ATP13A5: variants seen among roughly 807,000 people sequenced by gnomAD.
ATP13A5 encodes probable cation-transporting ATPase 13A5.
A neutral mutation model predicts 150.2 loss-of-function variants in ATP13A5; 149 were observed. The ratio of observed to expected loss-of-function variants is 0.99; its 90% confidence interval spans 0.87 to 1.14. The LOEUF (loss-of-function observed/expected upper bound fraction) is 1.14. Ranked by LOEUF, ATP13A5 falls within the 50% of genes most tolerant of loss-of-function variation. The pLI is 0.00. For synonymous variants in ATP13A5, 497 were observed against 522.2 expected (o/e 0.95, Z 0.66); for missense variants, 1,383 against 1,449.3 (o/e 0.95, Z 0.74).
At chr3:193,290,522 A>G (rs1292205964) in intron 25 of ATP13A5, among the ~76,000 whole-genome samples, 2 of 152,086 alleles carry the variant, frequency 1.3e-5, no homozygotes, top group Admixed American at 6.6e-5. Flanking sequence ...CACTCACTCT[A>G]TTATTCATTC....
intron 29 of ATP13A5, among the ~76,000 whole-genome samples, chr3:193,276,328 G>A (rs1050021358): frequency 3.3e-5 from 5 of 152,194 alleles, no homozygotes; most frequent in African/African-American, 1.2e-4. Context: ...TTCAAGAAAA[G>A]GAATTGACTA....
In ATP13A5 at chr3:193,315,081, T is replaced by C. The variant is rs1472830849; in HGVS notation, c.2049A>G (p.Ser683=). 1 of 1,613,708 alleles carries C rather than the reference T, an allele frequency of 6.2e-7. No homozygotes were observed. The highest frequency in any genetic ancestry group is 1.1e-5 in the South Asian group (1 of 91,068). ...VEHLAREKVE[S]ELTFLGLLIM... ...TGAGAAGTCCCAGAAATGTTAACTC[T>C]GACTCCACTTTTTCTCTTTGTATTC... The change falls in exon 18 of 30, where the codon TCA becomes TCG. Residue 683 remains serine, a synonymous_variant. Coordinates refer to ENST00000342358, the MANE Select transcript of ATP13A5 (RefSeq NM_198505.4).
chr3:193,322,503 T>A lies in ATP13A5; in HGVS notation c.1746A>T (p.Pro582=), dbSNP rs1179436259. 1 of 1,613,226 alleles carries A rather than the reference T, an allele frequency of 6.2e-7. No homozygotes were observed. Among genetic ancestry groups the A allele is most frequent in the Admixed American group, 1.7e-5 (1 of 59,986 alleles). Residue 582 remains proline, a synonymous_variant, in exon 15 of 30, where the codon CCA becomes CCT. Coordinates refer to ENST00000342358, the MANE Select transcript of ATP13A5 (RefSeq NM_198505.4). The stretch of plus-strand genomic sequence containing the variant: ...AAGGAAATCATACCTTACTGGCTTT[T>A]GGTCCTGGTTTTATGATGTTTGAAA... The part of the protein sequence containing the change: ...TSVSNIIKPG[P]KASKSPVEAI...
intron 10 of ATP13A5, among the ~76,000 whole-genome samples, chr3:193,334,358 G>C (rs1487445159): frequency 6.6e-6 from 1 of 152,166 alleles, no homozygotes; most frequent in Non-Finnish European, 1.5e-5. Context: ...GGAAGTGTTT[G>C]CGGAATCATC....
chr3:193,321,874 G>A (rs1247384126), intron 15 of ATP13A5, 37 bp from the exon 16 acceptor site: 1 of 1,602,176 alleles, frequency 6.2e-7, no homozygotes, highest in Non-Finnish European at 8.5e-7. Flanking sequence ...TTAACAAGCT[G>A]CTAAGTGATA....
At chr3:193,359,895 T>C (rs1236058407) in intron 5 of ATP13A5, among the ~76,000 whole-genome samples, 1 of 152,142 alleles carries the variant, frequency 6.6e-6, no homozygotes, top group Non-Finnish European at 1.5e-5. Flanking sequence ...TTTACTCCTT[T>C]TATTTTCTGC....
In ATP13A5 at chr3:193,362,274, A is replaced by G. The variant is rs549627428; in HGVS notation, c.536+107T>C. 36 of 1,005,632 alleles carry G rather than the reference A, an allele frequency of 3.6e-5. No individual in the cohort carries two copies. The East Asian group carries it at 7.5e-4, about 21-fold the overall frequency. The allele number at this position is 1,005,632 out of a possible 1,614,324, so 62.3% of individuals were successfully genotyped here. ...CGCTGCCAGTAAATGAACTTGGACT[A>G]TAACAAGCTGATGAAGCATTATGCC... is the stretch of plus-strand genomic sequence containing the variant. On this transcript the variant is annotated intron_variant, in intron 5 of 29. Coordinates refer to ENST00000342358, the MANE Select transcript of ATP13A5 (RefSeq NM_198505.4).
At chr3:193,284,659 G>A (rs941876810) in intron 27 of ATP13A5, among the ~76,000 whole-genome samples, 1 of 152,194 alleles carries the variant, frequency 6.6e-6, no homozygotes, top group African/African-American at 2.4e-5. Flanking sequence ...GCATGTATGT[G>A]TTTAAAATGA....
Position 193,299,122 on chromosome 3 carries a change from A to G in ATP13A5, c.2848+9T>C. ...AAAACAATATAGTTTTCTTTGCTAA[A>G]GAGCTTACTTGTTAAACAGACCATC... On this transcript the variant is annotated intron_variant, in intron 25 of 29. Transcript: ENST00000342358. The G allele has an allele frequency of 6.3e-7, 1 of 1,586,204 alleles. No homozygotes were observed. Among genetic ancestry groups the G allele is most frequent in the Non-Finnish European group, 8.6e-7 (1 of 1,165,694 alleles).
intron 18 of ATP13A5, 198 bp from the exon 19 acceptor site, chr3:193,314,391 T>A (rs1169707856): frequency 1.8e-6 from 1 of 563,192 alleles, no homozygotes; most frequent in African/African-American, 1.9e-5. Flanking sequence ...ATATTCTGCA[T>A]CATATCCTGG....
rs376797644 is a variant in ATP13A5 at position 193,356,841 on chromosome 3, T to A, written c.537-2645A>T. Among the ~76,000 whole-genome samples the A allele has an allele frequency of 3.2e-4, 10 of 31,686 alleles. No homozygotes were observed. The East Asian group carries it at 5.0e-3, about 16-fold the overall frequency. 20.8% of individuals were successfully genotyped at this position (31,686 alleles called of 152,430 possible). A position where few individuals can be genotyped will look rare whatever the true frequency, so the allele number is the denominator to read the frequency against. ...TTTCTTTTTCTTTTTTGAGACGGAG[T>A]GTCTTGCTCTGTCGCCCAGGCTGGA... On this transcript the variant is annotated intron_variant, in intron 5 of 29. Coordinates refer to ENST00000342358, the MANE Select transcript of ATP13A5 (RefSeq NM_198505.4).
intron 23 of ATP13A5, among the ~76,000 whole-genome samples, chr3:193,303,944 A>G (rs891460098): frequency 8.6e-5 from 13 of 151,928 alleles, no homozygotes; most frequent in African/African-American, 3.1e-4. Context: ...TGGAATGTAA[A>G]TTCTCCGGGG....
intron 28 of ATP13A5, 45 bp downstream of exon 28, chr3:193,279,321 C>A: frequency 7.2e-7 from 1 of 1,387,414 alleles, no homozygotes; most frequent in South Asian, 1.2e-5. Flanking sequence ...AATACATGGT[C>A]CATGTACATG....
At chr3:193,365,144 T>C (rs1010046573) in intron 1 of ATP13A5, among the ~76,000 whole-genome samples, 1 of 152,156 alleles carries the variant, frequency 6.6e-6, no homozygotes, top group Non-Finnish European at 1.5e-5. Context: ...TCTACTATAC[T>C]ATTATTTTAG....
chr3:193,355,500 T>C (rs1712748770), intron 5 of ATP13A5, among the ~76,000 whole-genome samples: 1 of 152,204 alleles, frequency 6.6e-6, no homozygotes, highest in Non-Finnish European at 1.5e-5. Flanking sequence ...GAGAGATCTT[T>C]GGTCTCACTG....
At position 193,321,734 on chromosome 3, in the gene ATP13A5, A is replaced by T; in HGVS notation, c.1862T>A (p.Val621Asp). Residue 621 changes from valine to aspartate, a missense_variant, in exon 16 of 30, where the codon GTC (valine) becomes GAC (aspartate). Coordinates refer to ENST00000342358, the MANE Select transcript of ATP13A5 (RefSeq NM_198505.4). ...CATTTCTGGGGCACCTTTCATGTAG[A>T]CATGGAAATGATTCTCCCCAGCTAG... Reference protein sequence around the residue: ...AQLAGENHFHVYMKGAPEMVA... With the variant: ...AQLAGENHFHDYMKGAPEMVA... The T allele has an allele frequency of 6.2e-7, 1 of 1,614,182 alleles. No homozygotes were observed. Among genetic ancestry groups the T allele is most frequent in the South Asian group, 1.1e-5 (1 of 91,082 alleles).
At chr3:193,339,501 T>C (rs188266270) in intron 9 of ATP13A5, among the ~76,000 whole-genome samples, 131 of 152,324 alleles carry the variant, frequency 8.6e-4, no homozygotes, top group Non-Finnish European at 1.5e-3. Flanking sequence ...TATGATTGGT[T>C]TTTCAAAACT....
intron 17 of ATP13A5, 51 bp downstream of exon 17, chr3:193,318,940 G>A (rs527915543): frequency 1.2e-5 from 15 of 1,303,412 alleles, no homozygotes; most frequent in Non-Finnish European, 1.6e-5. Flanking sequence ...TCCAGGACTC[G>A]CACTTCATGG....
chr3:193,364,349 T>C (rs923494), intron 1 of ATP13A5, 69 bp from the exon 2 acceptor site: 228,283 of 1,541,186 alleles, frequency 0.15, 17,915 homozygotes, highest in Non-Finnish European at 0.15. Context: ...TTTCTTTCAA[T>C]AAACCAAACT....
Sources: gnomAD v4.1 joint callset for allele counts (sites outside exome capture counted in the v4.1 genomes callset) on GRCh38, gnomAD v4.1.1 for gene constraint, MANE v1.5 for transcripts, NCBI Gene and HGNC (gene_info 2026-07-23, HGNC 2026-07-21) for gene names.